Variants in COL11A2 observed in about 807,000 individuals in gnomAD.
The protein encoded by COL11A2 is collagen alpha-2(XI) chain.
A neutral mutation model predicts 273.4 loss-of-function variants in COL11A2; 116 were observed. The observed-to-expected ratio is 0.42, with a 90% CI of 0.36 to 0.49. The LOEUF is 0.49. COL11A2 is among the 20% of genes least tolerant of loss of function. COL11A2 has a pLI of 0.00. For synonymous variants in COL11A2, 782 were observed against 864.2 expected (o/e 0.90, Z 1.67); for missense variants, 1,866 against 2,309.0 (o/e 0.81, Z 3.93).
chr6:33,165,401 A>G lies in COL11A2; in HGVS notation c.4750+148T>C. ...TTGCTAAAGTATTGGGATACTTCTG[A>G]CCTGGTTAGTAAATAGCTGCAGTTC... On this transcript the variant is annotated intron_variant, in intron 63 of 65. Transcript: ENST00000341947. This position sits in a 1 kb window ranked among gnomAD's most constrained non-coding sequence, Gnocchi z 7.7. 1 of 1,227,066 alleles carries G rather than the reference A, an allele frequency of 8.1e-7. No homozygotes were observed. The highest frequency in any genetic ancestry group is 1.2e-6 in the Non-Finnish European group (1 of 851,264). 76.0% of individuals were successfully genotyped at this position (1,227,066 alleles called of 1,614,324 possible).
At position 33,184,175 on chromosome 6, in the gene COL11A2, G is replaced by A. The variant is rs781033734; in HGVS notation, c.1089C>T (p.Ala363=). 3.7e-6 allele frequency: 5 copies of A among 1,367,266 alleles called. No individual in the cohort carries two copies. The African/African-American group carries it at 7.4e-5, about 20-fold the overall frequency. 84.7% of individuals were successfully genotyped at this position (1,367,266 alleles called of 1,614,324 possible). ...DYREETELGP[A]LSAETAHSGA... ...CTGAGTGGGCTGTCTCCGCAGAGAG[G>A]GCAGGGCCAAGCTCTGTCTCCTCAC... Residue 363 remains alanine, a synonymous_variant, in exon 8 of 66, where the codon GCC becomes GCT. Coordinates refer to ENST00000341947, the MANE Select transcript of COL11A2 (RefSeq NM_080680.3).
Position 33,178,516 on chromosome 6 carries a change from G to A in COL11A2, c.1720-28C>T, listed in dbSNP as rs1771249225. The A allele has an allele frequency of 6.2e-7, 1 of 1,612,668 alleles. No individual in the cohort carries two copies. The highest frequency in any genetic ancestry group is 1.3e-5 in the African/African-American group (1 of 74,836). On this transcript the variant is annotated intron_variant, in intron 18 of 65. Transcript: ENST00000341947. This position sits in a 1 kb window ranked among gnomAD's most constrained non-coding sequence, Gnocchi z 4.6. ...GCAAAATGGGGGAACTCATAAGAGG[G>A]GCTTCAGAGCCCCCAACACAGGCAG... is the stretch of plus-strand genomic sequence containing the variant.
Position 33,164,205 on chromosome 6 carries a change from C to A in COL11A2, c.5070+62G>T. On this transcript the variant is annotated intron_variant, in intron 65 of 65. Transcript: ENST00000341947. The surrounding 1 kb of genome is among the most constrained non-coding windows in gnomAD (Gnocchi z 4.7). ...TGGGTGCCCTGCCCAAGGGGTCTTC[C>A]CACCTCCTTCCTCCAGCCTGAGTCT... 6.3e-7 allele frequency: 1 copy of A among 1,587,440 alleles called. No homozygotes were observed. The highest frequency in any genetic ancestry group is 1.3e-5 in the African/African-American group (1 of 74,626).
At chr6:33,193,140 T>C (rs1347340748), upstream of COL11A2, among the ~76,000 whole-genome samples, 2 of 152,058 alleles carry the variant, frequency 1.3e-5, no homozygotes, top group Non-Finnish European at 2.9e-5. Context: ...TCGACTCTGG[T>C]TGGAAGGGTC....
In COL11A2 at chr6:33,173,760, A is replaced by G. The variant is rs1018140775; in HGVS notation, c.2584-15T>C. 6.3e-7 allele frequency: 1 copy of G among 1,598,658 alleles called. No homozygotes were observed. The highest frequency in any genetic ancestry group is 1.3e-5 in the African/African-American group (1 of 74,480). On this transcript the variant is annotated splice_polypyrimidine_tract_variant and intron_variant, in intron 34 of 65. Coordinates refer to ENST00000341947, the MANE Select transcript of COL11A2 (RefSeq NM_080680.3). This position sits in a 1 kb window ranked among gnomAD's most constrained non-coding sequence, Gnocchi z 6.3. ...CCAGATGTTCCCTGTGGGGGGAAACAGAGTCAAGGAGTGGGAAGAGCTGCT... is the reference window on the plus strand; with the variant it reads ...CCAGATGTTCCCTGTGGGGGGAAACGGAGTCAAGGAGTGGGAAGAGCTGCT...
chr6:33,166,260 CAG>C lies in COL11A2; in HGVS notation c.4393-56_4393-55del. 1 of 1,569,988 alleles carries C rather than the reference CAG, an allele frequency of 6.4e-7. No homozygotes were observed. Among genetic ancestry groups the C allele is most frequent in the Non-Finnish European group, 8.6e-7 (1 of 1,157,404 alleles). On this transcript the variant is annotated intron_variant, in intron 60 of 65. Coordinates refer to ENST00000341947, the MANE Select transcript of COL11A2 (RefSeq NM_080680.3). This position sits in a 1 kb window ranked among gnomAD's most constrained non-coding sequence, Gnocchi z 4.8. ...GTCACTGCAGGGGAAGGACAGGACTCAGAGGAGCGGGGAGGCAAGGTCCCAAG... is the reference window on the plus strand; with the variant it reads ...GTCACTGCAGGGGAAGGACAGGACTCAGGAGCGGGGAGGCAAGGTCCCAAG...
chr6:33,168,449 C>A, intron 54 of COL11A2, 70 bp downstream of exon 54: 7 of 1,545,854 alleles, frequency 4.5e-6, no homozygotes, highest in Non-Finnish European at 6.3e-6. Context: ...ATCCCACCTG[C>A]CATTGCCCAG....
intron 6 of COL11A2, 53 bp from the exon 7 acceptor site, chr6:33,185,107 AAGGTT>A (rs1772227608): frequency 7.2e-7 from 1 of 1,389,028 alleles, no homozygotes; most frequent in Non-Finnish European, 1.0e-6. Context: ...AGGAAGGAGA[AAGGTT>A]AGCAGAAGGG....
chr6:33,192,113 A>G, intron 1 of COL11A2, 46 bp downstream of exon 1: 1 of 1,524,478 alleles, frequency 6.6e-7, no homozygotes, highest in Non-Finnish European at 8.9e-7. Flanking sequence ...AGACACTCAG[A>G]GCTCCAGCCT....
In COL11A2 at chr6:33,167,671, G is replaced by A. The variant is rs1443656781; in HGVS notation, c.4014+128C>T. On this transcript the variant is annotated intron_variant, in intron 55 of 65. Transcript: ENST00000341947. This position sits in a 1 kb window ranked among gnomAD's most constrained non-coding sequence, Gnocchi z 6.1. ...AGCCCCTAGCGCAGGAACAAGTACA[G>A]GGAACGCCTGTCCCCATAAGGGCCC... 4 of 1,459,762 alleles carry A rather than the reference G, an allele frequency of 2.7e-6. No individual in the cohort carries two copies. Among genetic ancestry groups the A allele is most frequent in the Non-Finnish European group, 3.8e-6 (4 of 1,054,842 alleles). The allele number at this position is 1,459,762 out of a possible 1,614,324, so 90.4% of individuals were successfully genotyped here.
intron 3 of COL11A2, 69 bp downstream of exon 3, chr6:33,188,909 T>A: frequency 8.5e-6 from 13 of 1,529,454 alleles, no homozygotes; most frequent in Non-Finnish European, 1.2e-5. Flanking sequence ...CAGTTTAGAG[T>A]GTAGGGGTTT....
At position 33,177,895 on chromosome 6, in the gene COL11A2, T is replaced by C. The variant is rs1771146459; in HGVS notation, c.1873-189A>G. 4 of 790,096 alleles carry C rather than the reference T, an allele frequency of 5.1e-6. No individual in the cohort carries two copies. The highest frequency in any genetic ancestry group is 1.7e-5 in the African/African-American group (1 of 57,646). The allele number at this position is 790,096 out of a possible 1,614,324, so 48.9% of individuals were successfully genotyped here. On this transcript the variant is annotated intron_variant, in intron 21 of 65. Coordinates refer to ENST00000341947, the MANE Select transcript of COL11A2 (RefSeq NM_080680.3). This position sits in a 1 kb window ranked among gnomAD's most constrained non-coding sequence, Gnocchi z 5.9. The stretch of plus-strand genomic sequence containing the variant: ...TGTGGGCTTGTGGGCTTTGGTTTTG[T>C]TTTTCTTGAAGATTTATTTCCTATG...
chr6:33,181,314 A>G (rs1479797734), intron 8 of COL11A2, 144 bp from the exon 9 acceptor site: 1 of 836,176 alleles, frequency 1.2e-6, no homozygotes, highest in East Asian at 2.6e-5. Context: ...GCCCTCCCCT[A>G]AAACTCCCTC....
chr6:33,176,511 A>G lies in COL11A2; in HGVS notation c.2116-25T>C. 1 of 1,604,288 alleles carries G rather than the reference A, an allele frequency of 6.2e-7. No homozygotes were observed. The highest frequency in any genetic ancestry group is 8.5e-7 in the Non-Finnish European group (1 of 1,172,370). On this transcript the variant is annotated intron_variant, in intron 26 of 65. Coordinates refer to ENST00000341947, the MANE Select transcript of COL11A2 (RefSeq NM_080680.3). This position sits in a 1 kb window ranked among gnomAD's most constrained non-coding sequence, Gnocchi z 4.9. ...CCTGGAAGATAAAAGAGAGGCATTTATAAAGGGGCCTCAGAGTGTCACTGT... is the reference window on the plus strand; with the variant it reads ...CCTGGAAGATAAAAGAGAGGCATTTGTAAAGGGGCCTCAGAGTGTCACTGT...
intron 45 of COL11A2, 94 bp downstream of exon 45, chr6:33,171,020 G>T: frequency 6.3e-7 from 1 of 1,578,132 alleles, no homozygotes; most frequent in Non-Finnish European, 8.7e-7. Context: ...CAGGCCCAGA[G>T]CCCCTGCTCC....
chr6:33,164,165 C>T lies in COL11A2; in HGVS notation c.5070+102G>A, dbSNP rs1467425573. On this transcript the variant is annotated intron_variant, in intron 65 of 65. Coordinates refer to ENST00000341947, the MANE Select transcript of COL11A2 (RefSeq NM_080680.3). This position sits in a 1 kb window ranked among gnomAD's most constrained non-coding sequence, Gnocchi z 4.7. Reference sequence around the variant, plus strand: ...CCCTGACAATCCAGCAGGACGGACTCCTCCCTGCTCCCCCTGGGTGCCCTG... The same window carrying T: ...CCCTGACAATCCAGCAGGACGGACTTCTCCCTGCTCCCCCTGGGTGCCCTG... 1.5e-6 allele frequency: 2 copies of T among 1,359,312 alleles called. No homozygotes were observed. The highest frequency in any genetic ancestry group is 2.0e-6 in the Non-Finnish European group (2 of 988,022). 84.2% of individuals were successfully genotyped at this position (1,359,312 alleles called of 1,614,324 possible). A position where few individuals can be genotyped will look rare whatever the true frequency, so the allele number is the denominator to read the frequency against.
chr6:33,173,887 T>C lies in COL11A2; in HGVS notation c.2569A>G (p.Lys857Glu). The change falls in exon 34 of 66, where the codon AAG becomes GAG. Residue 857 changes from lysine to glutamate, a missense_variant. Lys to Glu is a moderately conservative substitution (Grantham distance 56). Transcript: ENST00000341947. This position sits in a 1 kb window ranked among gnomAD's most constrained non-coding sequence, Gnocchi z 6.3. Reference sequence around the variant, plus strand: ...AGACCATTCACCTTAGCTCCAGACTTCCCAGTGGCACCTCGGGGTCCCCGC... The same window carrying C: ...AGACCATTCACCTTAGCTCCAGACTCCCCAGTGGCACCTCGGGGTCCCCGC... ...GQRGPRGATGKSGAKGTSGGD... is the reference protein window; with the variant it reads ...GQRGPRGATGESGAKGTSGGD... 6.2e-7 allele frequency: 1 copy of C among 1,613,972 alleles called. No homozygotes were observed. Among genetic ancestry groups the C allele is most frequent in the Non-Finnish European group, 8.5e-7 (1 of 1,179,950 alleles).
chr6:33,176,772 G>A lies in COL11A2; in HGVS notation c.2071-7C>T, dbSNP rs758500871. On this transcript the variant is annotated splice_polypyrimidine_tract_variant and splice_region_variant and intron_variant, in intron 25 of 65. Transcript: ENST00000341947. This position sits in a 1 kb window ranked among gnomAD's most constrained non-coding sequence, Gnocchi z 4.9. ...CTTCCTTCCCTGGGTGACCCTGGGA[G>A]TAAGGGATAGAAAATGTGACCAGTG... is the stretch of plus-strand genomic sequence containing the variant. 6.2e-7 allele frequency: 1 copy of A among 1,612,050 alleles called. No homozygotes were observed. The highest frequency in any genetic ancestry group is 1.3e-5 in the African/African-American group (1 of 74,810).
In COL11A2 at chr6:33,173,983, G is replaced by C; in HGVS notation, c.2529+28C>G. 6.2e-7 allele frequency: 1 copy of C among 1,614,064 alleles called. No individual in the cohort carries two copies. Among genetic ancestry groups the C allele is most frequent in the Non-Finnish European group, 8.5e-7 (1 of 1,179,992 alleles). On this transcript the variant is annotated intron_variant, in intron 33 of 65. Coordinates refer to ENST00000341947, the MANE Select transcript of COL11A2 (RefSeq NM_080680.3). The surrounding 1 kb of genome is among the most constrained non-coding windows in gnomAD (Gnocchi z 6.3). ...CCAAATGCCCCCCTCTGGACCTTGA[G>C]CCACCTGTTTCTCTCCCCTGCACTC...
Sources: gnomAD v4.1 joint callset for allele counts (sites outside exome capture counted in the v4.1 genomes callset) on GRCh38, gnomAD v4.1.1 for gene constraint, Gnocchi (gnomAD v3.1) non-coding constraint, MANE v1.5 for transcripts, NCBI Gene and HGNC (gene_info 2026-07-23, HGNC 2026-07-21) for gene names.